DLG2: variants seen among roughly 807,000 people sequenced by gnomAD.
DLG2 encodes the protein discs large MAGUK scaffold protein 2, also known as disks large homolog 2.
Under a neutral mutation model 132.5 loss-of-function variants are expected in DLG2, and 45 were observed. The observed-to-expected ratio is 0.34, with a 90% confidence interval of 0.27 to 0.44. The LOEUF is 0.44. Ranked by LOEUF, DLG2 falls within the 20% of genes least tolerant of loss-of-function variation. DLG2 has a pLI of 1.00. For synonymous variants in DLG2, 424 were observed against 419.6 expected (o/e 1.01, Z -0.13); for missense variants, 1,045 against 1,196.9 (o/e 0.87, Z 1.87).
chr11:85,062,834 A>C (rs750319085), intron 6 of DLG2, among the ~76,000 whole-genome samples: 125 of 151,740 alleles, frequency 8.2e-4, no homozygotes, highest in Non-Finnish European at 1.4e-3. Context: ...TACTCATCAC[A>C]ACTAGGTTGT....
intron 25 of DLG2, among the ~76,000 whole-genome samples, chr11:83,468,709 C>T (rs1591354944): frequency 6.6e-6 from 1 of 152,100 alleles, no homozygotes; most frequent in Non-Finnish European, 1.5e-5. Flanking sequence ...CTTTTCCATG[C>T]CCCTGAAGTT....
chr11:84,486,101 T>C (rs1025224161), intron 7 of DLG2, among the ~76,000 whole-genome samples: 2 of 152,120 alleles, frequency 1.3e-5, no homozygotes, highest in Non-Finnish European at 2.9e-5. Flanking sequence ...TATACCCCTG[T>C]CACCTATAAG....
At chr11:84,784,342 A>AATT (rs1565952882) in intron 6 of DLG2, among the ~76,000 whole-genome samples, 8 of 147,394 alleles carry the variant, frequency 5.4e-5, no homozygotes, top group Admixed American at 1.4e-4. Context: ...ATAAATAAAT[A>AATT]AATAAATAAA....
intron 7 of DLG2, among the ~76,000 whole-genome samples, chr11:84,462,905 A>T (rs1170936573): frequency 6.6e-6 from 1 of 151,262 alleles, no homozygotes; most frequent in Non-Finnish European, 1.5e-5. Context: ...TTTTGCAATG[A>T]AGAATGATTT....
At chr11:85,151,581 G>A (rs968660192) in intron 5 of DLG2, among the ~76,000 whole-genome samples, 1 of 152,046 alleles carries the variant, frequency 6.6e-6, no homozygotes, top group African/African-American at 2.4e-5. Context: ...TATAAAGTAA[G>A]GGCCCAACTT....
At chr11:84,590,377 C>T (rs1426438154) in intron 6 of DLG2, among the ~76,000 whole-genome samples, 6 of 152,138 alleles carry the variant, frequency 3.9e-5, no homozygotes, top group African/African-American at 9.7e-5. Flanking sequence ...ATGCTTGGCA[C>T]GTTTTTTCTC....
chr11:85,339,996 C>T (rs1200145457), intron 3 of DLG2, among the ~76,000 whole-genome samples: 1 of 152,176 alleles, frequency 6.6e-6, no homozygotes, highest in Non-Finnish European at 1.5e-5. Flanking sequence ...ACAACAGATG[C>T]TGGACAGGAT....
intron 3 of DLG2, among the ~76,000 whole-genome samples, chr11:85,415,869 G>T (rs1177877107): frequency 6.6e-6 from 1 of 152,068 alleles, no homozygotes; most frequent in African/African-American, 2.4e-5. Context: ...AAGCTCTTTA[G>T]TTTAATTAAA....
At chr11:84,780,196 G>C (rs1227145521) in intron 6 of DLG2, among the ~76,000 whole-genome samples, 1 of 151,824 alleles carries the variant, frequency 6.6e-6, no homozygotes, top group Non-Finnish European at 1.5e-5. Flanking sequence ...ATGATCAAAT[G>C]GTTTTTATGC....
intron 6 of DLG2, among the ~76,000 whole-genome samples, chr11:84,687,500 A>C (rs866818064): frequency 2.6e-5 from 4 of 152,070 alleles, no homozygotes; most frequent in African/African-American, 7.2e-5. Context: ...GGGTACCTCA[A>C]TTAGTATCAT....
intron 7 of DLG2, among the ~76,000 whole-genome samples, chr11:84,525,870 T>C (rs2099318748): frequency 6.6e-6 from 1 of 152,146 alleles, no homozygotes; most frequent in South Asian, 2.1e-4. Flanking sequence ...TCAGAACTTT[T>C]CCATACTGTT....
intron 6 of DLG2, among the ~76,000 whole-genome samples, chr11:84,595,175 G>A (rs996953954): frequency 2.6e-5 from 4 of 152,084 alleles, no homozygotes; most frequent in African/African-American, 9.7e-5. Flanking sequence ...TGTGATCTCT[G>A]TTCATTGTAA....
chr11:84,317,504 T>C (rs1199224731), intron 7 of DLG2, among the ~76,000 whole-genome samples: 2 of 152,186 alleles, frequency 1.3e-5, no homozygotes, highest in Non-Finnish European at 2.9e-5. Context: ...AATAACTCTT[T>C]GCTGTTTGGC....
chr11:84,359,997 A>C (rs1361278122), intron 7 of DLG2, among the ~76,000 whole-genome samples: 3 of 151,880 alleles, frequency 2.0e-5, no homozygotes, highest in Admixed American at 6.6e-5. Context: ...AAGAAAATGC[A>C]ATTGGTAGCT....
Position 85,431,834 on chromosome 11 carries a change from G to A in DLG2, c.41-146469C>T, listed in dbSNP as rs758250933. ...GACAGCCAAAGTGCTTCATTAAACAGGTCCTGCTTCCTATGCCATCCAACT... is the reference window on the plus strand; with the variant it reads ...GACAGCCAAAGTGCTTCATTAAACAAGTCCTGCTTCCTATGCCATCCAACT... On this transcript the variant is annotated intron_variant, in intron 3 of 27. Coordinates refer to ENST00000376104, the MANE Select transcript of DLG2 (RefSeq NM_001142699.3). Among the ~76,000 whole-genome samples the A allele has an allele frequency of 3.3e-4, 50 of 152,210 alleles. 1 individual carries two copies. Among genetic ancestry groups the A allele is most frequent in the Non-Finnish European group, 1.8e-4 (12 of 68,046 alleles).
At chr11:84,008,405 T>C (rs2094689947) in intron 11 of DLG2, among the ~76,000 whole-genome samples, 2 of 151,982 alleles carry the variant, frequency 1.3e-5, no homozygotes, top group South Asian at 2.1e-4. Context: ...TATGAAGTTA[T>C]CTCAATGATT....
At chr11:83,780,006 G>T (rs2094746300) in intron 18 of DLG2, among the ~76,000 whole-genome samples, 5 of 152,146 alleles carry the variant, frequency 3.3e-5, no homozygotes. Context: ...GTTCTCTGAT[G>T]ATTCTGATGC....
intron 5 of DLG2, among the ~76,000 whole-genome samples, chr11:85,118,022 T>G (rs2073872771): frequency 1.3e-5 from 2 of 152,124 alleles, no homozygotes; most frequent in East Asian, 3.8e-4. Context: ...CAATTACAGA[T>G]GCCAAACATA....
intron 18 of DLG2, among the ~76,000 whole-genome samples, chr11:83,633,680 T>C (rs949263267): frequency 6.6e-6 from 1 of 151,568 alleles, no homozygotes; most frequent in Non-Finnish European, 1.5e-5. Context: ...ATGGAAATGT[T>C]CTCTATCTTG....
Sources: allele counts gnomAD v4.1 joint callset (sites outside exome capture counted in the v4.1 genomes callset), GRCh38; gene constraint gnomAD v4.1.1; transcripts MANE v1.5; gene names NCBI Gene and HGNC (gene_info 2026-07-23, HGNC 2026-07-21).